DNAH8: variants seen among roughly 807,000 people sequenced by gnomAD.
DNAH8 encodes the protein axonemal beta dynein heavy chain 8.
Under a neutral mutation model 562.1 loss-of-function variants are expected in DNAH8, and 382 were observed. That is an observed-to-expected ratio of 0.68 (90% CI 0.63 to 0.74). DNAH8 has a LOEUF of 0.74. DNAH8 is among the 30% of genes least tolerant of loss of function. The pLI, the probability that DNAH8 is intolerant of heterozygous loss-of-function variation, is 0.00. For synonymous variants in DNAH8, 1,881 were observed against 1,919.4 expected (o/e 0.98, Z 0.52); for missense variants, 5,203 against 5,620.4 (o/e 0.93, Z 2.37).
rs757906780 is a variant in DNAH8 at position 38,909,733 on chromosome 6, T to C, written c.9729T>C (p.Ser3243=). The change falls in exon 65 of 93, where the codon AGT becomes AGC. Residue 3243 remains serine (S), a synonymous_variant. Transcript: ENST00000327475. ...ACATGGTTTCAGAGAGCTGTGAAAG[T>C]TATTTCCAAAGGTAAGTGATATTAC... ...FHDMVSESCE[S]YFQRYRRRAH... is the part of the protein sequence containing the mutation. 1 of 1,613,850 alleles carries C rather than the reference T, an allele frequency of 6.2e-7. No individual in the cohort carries two copies. Among genetic ancestry groups the C allele is most frequent in the South Asian group, 1.1e-5 (1 of 91,076 alleles).
chr6:38,773,223 A>C (rs1367337366), intron 12 of DNAH8, among the ~76,000 whole-genome samples: 1 of 152,064 alleles, frequency 6.6e-6, no homozygotes, highest in African/African-American at 2.4e-5. Context: ...TTCTGACTCC[A>C]CTAGAGCAAA....
At chr6:38,784,604 A>C (rs1768964601) in intron 17 of DNAH8, among the ~76,000 whole-genome samples, 1 of 152,188 alleles carries the variant, frequency 6.6e-6, no homozygotes. Flanking sequence ...GTTTCATCTG[A>C]TATCCTTTAA....
chr6:39,002,093 A>C (rs1313738069), intron 88 of DNAH8, among the ~76,000 whole-genome samples: 1 of 152,154 alleles, frequency 6.6e-6, no homozygotes, highest in Non-Finnish European at 1.5e-5. Context: ...TAAAATAATA[A>C]GGTTTTGGAT....
chr6:38,887,942 T>G (rs894783430), intron 57 of DNAH8, among the ~76,000 whole-genome samples: 1 of 149,952 alleles, frequency 6.7e-6, no homozygotes, highest in Non-Finnish European at 1.5e-5. Flanking sequence ...GTTCAAGCGA[T>G]TCTCCTGCCT....
chr6:38,866,130 G>A (rs1210145421), intron 45 of DNAH8, among the ~76,000 whole-genome samples: 1 of 151,986 alleles, frequency 6.6e-6, no homozygotes, highest in Non-Finnish European at 1.5e-5. Flanking sequence ...TAGCCAAAGA[G>A]CTCTGTAACT....
intron 60 of DNAH8, among the ~76,000 whole-genome samples, chr6:38,896,653 A>C (rs967275113): frequency 1.1e-4 from 16 of 152,272 alleles, no homozygotes; most frequent in African/African-American, 3.8e-4. Flanking sequence ...ATGACCAAGC[A>C]TTATATAAAT....
chr6:38,943,705 T>C lies in DNAH8; in HGVS notation c.12008-1762T>C, dbSNP rs116593955. On this transcript the variant is annotated intron_variant, in intron 79 of 92. Transcript: ENST00000327475. ...ATAGACTCTGTACAAAAAGACACCT[T>C]AGGGGGTCTTTTCTTGCCTTCCAAA... Among the ~76,000 whole-genome samples the C allele has an allele frequency of 6.9e-3, 1,053 of 152,220 alleles. 9 individuals are homozygous for C. The highest frequency in any genetic ancestry group is 0.022 in the African/African-American group (926 of 41,528).
chr6:38,717,238 A>G (rs1383063800), intron 1 of DNAH8, among the ~76,000 whole-genome samples: 2 of 152,176 alleles, frequency 1.3e-5, no homozygotes, highest in African/African-American at 2.4e-5. Context: ...GAGAAAGTGA[A>G]CAAGTGTTGA....
chr6:38,715,447 C>T (rs1322874472), intron 1 of DNAH8, 32 bp downstream of exon 1: 1 of 152,466 alleles, frequency 6.6e-6, no homozygotes, highest in East Asian at 1.9e-4. Context: ...GCTGTGAGCG[C>T]CCGGCCCCTG....
intron 4 of DNAH8, among the ~76,000 whole-genome samples, chr6:38,730,764 G>A (rs977098722): frequency 2.6e-5 from 4 of 152,200 alleles, no homozygotes; most frequent in Non-Finnish European, 5.9e-5. Flanking sequence ...TACTTGTCTA[G>A]TCTGATCTCC....
Position 38,847,299 on chromosome 6 carries a change from T to C in DNAH8, c.5046-1349T>C, listed in dbSNP as rs371461754. On this transcript the variant is annotated intron_variant, in intron 36 of 92. Coordinates refer to ENST00000327475, the MANE Select transcript of DNAH8 (RefSeq NM_001206927.2). ...CTCCCTTTTCCATCTTTAGAAGTTA[T>C]ACACCATCAAGGATGACTCTTTTTT... 7.9e-5 allele frequency among the ~76,000 whole-genome samples: 12 copies of C among 152,072 alleles called. No individual in the cohort carries two copies. The East Asian group carries it at 2.1e-3, about 27-fold the overall frequency.
chr6:38,975,673 T>C (rs16891348), intron 85 of DNAH8, among the ~76,000 whole-genome samples: 6,967 of 152,290 alleles, frequency 0.046, 446 homozygotes, highest in African/African-American at 0.14. Flanking sequence ...TAAGTTCCAT[T>C]GTGGCCTTTG....
rs564715304 is a variant in DNAH8 at position 38,929,627 on chromosome 6, A to G, written c.11235A>G (p.Val3745=). ...HEELDPALDN[V]LEKNFIKSGT... is the part of the protein sequence containing the mutation. The stretch of plus-strand genomic sequence containing the variant: ...AGCTGGATCCAGCCTTGGATAATGT[A>G]TTAGAAAAGAATTTTATTAAATCTG... The change falls in exon 75 of 93, where the codon GTA becomes GTG. Residue 3745 remains valine, a synonymous_variant. Transcript: ENST00000327475. 1.9e-6 allele frequency: 3 copies of G among 1,597,052 alleles called. No homozygotes were observed. The highest frequency in any genetic ancestry group is 1.7e-5 in the Admixed American group (1 of 58,554).
intron 82 of DNAH8, among the ~76,000 whole-genome samples, chr6:38,966,541 A>G (rs1445932596): frequency 6.6e-6 from 1 of 152,224 alleles, no homozygotes; most frequent in East Asian, 1.9e-4. Flanking sequence ...AGAAAAAACT[A>G]CAGACCATTA....
intron 52 of DNAH8, among the ~76,000 whole-genome samples, chr6:38,874,322 T>C (rs1583243650): frequency 9.3e-6 from 1 of 107,436 alleles, no homozygotes; most frequent in Non-Finnish European, 1.9e-5. Flanking sequence ...TTCCCTTCCC[T>C]TCCCTCCCTC....
In DNAH8 at chr6:38,814,064, C is replaced by T. The variant is rs199969537; in HGVS notation, c.3268C>T (p.Arg1090Ter). 31 of 1,589,550 alleles carry T rather than the reference C, an allele frequency of 2.0e-5. No individual in the cohort carries two copies. Among genetic ancestry groups the T allele is most frequent in the African/African-American group, 4.0e-5 (3 of 74,430 alleles). The change falls in exon 25 of 93, where the codon CGA becomes TGA. Residue 1090 changes from arginine (R) to a stop codon, truncating the protein, a stop_gained. Coordinates refer to ENST00000327475, the MANE Select transcript of DNAH8 (RefSeq NM_001206927.2). LOFTEE classifies it high-confidence loss of function. ...TCCATCTCATTGCAGCCTTTATGGG[C>T]GAAAGCAGTCAGAAGATATTATTTC... The part of the protein sequence containing the change: ...RRIFVASLYG[R>*]KQSEDIISFI...
intron 82 of DNAH8, among the ~76,000 whole-genome samples, chr6:38,959,273 G>T (rs966161941): frequency 6.6e-6 from 1 of 152,160 alleles, no homozygotes; most frequent in East Asian, 1.9e-4. Context: ...GGAAGGTCTA[G>T]CTAGAGCAGT....
intron 87 of DNAH8, among the ~76,000 whole-genome samples, chr6:38,988,126 T>A (rs973199553): frequency 2.6e-5 from 4 of 152,234 alleles, no homozygotes; most frequent in Non-Finnish European, 5.9e-5. Context: ...CCTCTGACTT[T>A]CAATCTCGGG....
At chr6:38,965,237 A>G (rs190863091) in intron 82 of DNAH8, among the ~76,000 whole-genome samples, 78 of 152,260 alleles carry the variant, frequency 5.1e-4, no homozygotes, top group African/African-American at 1.8e-3. Flanking sequence ...TCCATATATT[A>G]TATAATACAC....
Sources: allele counts gnomAD v4.1 joint callset (sites outside exome capture counted in the v4.1 genomes callset), GRCh38; gene constraint gnomAD v4.1.1; transcripts MANE v1.5; gene names NCBI Gene and HGNC (gene_info 2026-07-23, HGNC 2026-07-21).